The following TAFA2 variants were observed in gnomAD, a reference collection of about 807,000 sequenced individuals.
TAFA2 encodes chemokine-like protein TAFA-2.
A neutral mutation model predicts 18.8 loss-of-function variants in TAFA2; 7 were observed. The observed-to-expected ratio is 0.37, with a 90% CI of 0.21 to 0.70. The LOEUF (loss-of-function observed/expected upper bound fraction) is 0.70, where lower values mean the gene tolerates loss of function less well. Among genes scored for constraint, TAFA2 ranks in the 30% least tolerant of loss-of-function variants. The pLI, the probability that TAFA2 is intolerant of heterozygous loss-of-function variation, is 0.53. For missense variants in TAFA2, 122 were observed against 158.1 expected (o/e 0.77, Z 1.23); for synonymous variants, 60 against 54.2 (o/e 1.11, Z -0.47).
intron 1 of TAFA2, among the ~76,000 whole-genome samples, chr12:61,873,844 A>G (rs758740659): frequency 1.3e-5 from 2 of 152,148 alleles, no homozygotes; most frequent in African/African-American, 2.4e-5. Context: ...TTTGAGGTGG[A>G]TGGTGCCATC....
At chr12:61,833,130 T>C (rs944577667) in intron 2 of TAFA2, among the ~76,000 whole-genome samples, 4 of 149,838 alleles carry the variant, frequency 2.7e-5, no homozygotes, top group African/African-American at 4.9e-5. Flanking sequence ...TTTTAGGCCA[T>C]AAGAAATACA....
rs574924088 is a variant in TAFA2, at chr12:61,812,398, T to A, written c.106+54922A>T. On this transcript the variant is annotated intron_variant, in intron 2 of 4. Coordinates refer to ENST00000416284, the MANE Select transcript of TAFA2 (RefSeq NM_178539.5). ...GCTCCCAACATCTGCCTTGTAAAAG[T>A]ACTGCCAGAATAAACTGCTTCAGGG... 3.3e-5 allele frequency among the ~76,000 whole-genome samples: 5 copies of A among 151,476 alleles called. No homozygotes were observed. The South Asian group carries it at 1.0e-3, about 31-fold the overall frequency.
At chr12:62,177,944 T>C (rs1204717575) in intron 1 of TAFA2, among the ~76,000 whole-genome samples, 1 of 152,292 alleles carries the variant, frequency 6.6e-6, no homozygotes, top group Admixed American at 6.5e-5. Flanking sequence ...CTCCCCTCCA[T>C]GGAGTCTATC....
In TAFA2 at chr12:62,129,552, T is replaced by G. The variant is rs112627685; in HGVS notation, c.-2+61707A>C. Among the ~76,000 whole-genome samples, 361 of 152,166 alleles carry G rather than the reference T, an allele frequency of 2.4e-3. 2 individuals carry two copies. The highest frequency in any genetic ancestry group is 7.8e-3 in the African/African-American group (326 of 41,546). On this transcript the variant is annotated intron_variant, in intron 1 of 4. Transcript: ENST00000416284. ...AACGTTGACAAAGACACTGAAGCACTGTAAGATGCTAAATTGTTATCTAAA... is the reference window on the plus strand; with the variant it reads ...AACGTTGACAAAGACACTGAAGCACGGTAAGATGCTAAATTGTTATCTAAA...
intron 1 of TAFA2, among the ~76,000 whole-genome samples, chr12:62,162,377 G>C (rs892189928): frequency 7.2e-5 from 11 of 152,164 alleles, no homozygotes; most frequent in Non-Finnish European, 4.4e-5. Context: ...CTGCTGTCAA[G>C]TCCTCTTACT....
chr12:62,123,579 C>G (rs1870308835), intron 1 of TAFA2, among the ~76,000 whole-genome samples: 1 of 152,036 alleles, frequency 6.6e-6, no homozygotes, highest in African/African-American at 2.4e-5. Context: ...CTCATCATTT[C>G]TGTCATTTTT....
intron 2 of TAFA2, among the ~76,000 whole-genome samples, chr12:61,806,052 G>T (rs1298575191): frequency 6.6e-6 from 1 of 152,078 alleles, no homozygotes; most frequent in Non-Finnish European, 1.5e-5. Flanking sequence ...AGAGGGTAAA[G>T]AACATAACTA....
At position 61,710,364 on chromosome 12, in the gene TAFA2, T is replaced by G; in HGVS notation, c.*42A>C. ...GTTGAGTTAAGTTTCTATGCGCATGTTCAATGTCATCAGCCTTGAGGATCA... is the reference window on the plus strand; with the variant it reads ...GTTGAGTTAAGTTTCTATGCGCATGGTCAATGTCATCAGCCTTGAGGATCA... On this transcript the variant is annotated 3_prime_UTR_variant, in exon 5 of 5. Coordinates refer to ENST00000416284, the MANE Select transcript of TAFA2 (RefSeq NM_178539.5). 6.3e-7 allele frequency: 1 copy of G among 1,598,384 alleles called. No homozygotes were observed. The highest frequency in any genetic ancestry group is 2.2e-5 in the East Asian group (1 of 44,764).
chr12:62,017,017 A>G (rs577636448), intron 1 of TAFA2, among the ~76,000 whole-genome samples: 4 of 152,336 alleles, frequency 2.6e-5, no homozygotes, highest in South Asian at 2.1e-4. Context: ...ATGATAATAC[A>G]TAGCTAAATT....
At chr12:62,234,241 G>A (rs988981246) in intron 1 of TAFA2, 17 of 339,604 alleles carry the variant, frequency 5.0e-5, no homozygotes, top group African/African-American at 1.9e-4. Context: ...CATGCTCCTC[G>A]CCATGGGTCC....
intron 4 of TAFA2, among the ~76,000 whole-genome samples, chr12:61,718,815 A>T (rs1397234333): frequency 6.6e-6 from 1 of 152,180 alleles, no homozygotes; most frequent in East Asian, 1.9e-4. Flanking sequence ...AGAAAGCTTT[A>T]CTTTATAAGT....
chr12:61,899,086 C>A (rs1875983382), intron 1 of TAFA2, among the ~76,000 whole-genome samples: 2 of 152,204 alleles, frequency 1.3e-5, no homozygotes, highest in Non-Finnish European at 2.9e-5. Context: ...TCATCTCCAT[C>A]TGAGACCACC....
chr12:61,809,611 G>A (rs1026087172), intron 2 of TAFA2, among the ~76,000 whole-genome samples: 1 of 151,060 alleles, frequency 6.6e-6, no homozygotes, highest in Admixed American at 6.6e-5. Context: ...TCATGATTTA[G>A]AGCATTTTTA....
intron 4 of TAFA2, among the ~76,000 whole-genome samples, chr12:61,710,803 A>G (rs1869365909): frequency 6.6e-6 from 1 of 151,998 alleles, no homozygotes; most frequent in African/African-American, 2.4e-5. Flanking sequence ...GTGAAGAAAG[A>G]CCTTTGTCCC....
intron 1 of TAFA2, among the ~76,000 whole-genome samples, chr12:62,175,141 T>C (rs760568769): frequency 6.6e-6 from 1 of 152,220 alleles, no homozygotes; most frequent in African/African-American, 2.4e-5. Context: ...TCAATGCTTA[T>C]GTAACTTCTA....
At chr12:62,107,278 G>A (rs1257607024) in intron 1 of TAFA2, among the ~76,000 whole-genome samples, 1 of 137,250 alleles carries the variant, frequency 7.3e-6, no homozygotes, top group Admixed American at 8.1e-5. Flanking sequence ...AGTTGATAAA[G>A]CTACTGGAAG....
chr12:61,804,219 T>C lies in TAFA2; in HGVS notation c.107-49195A>G, dbSNP rs369036871. On this transcript the variant is annotated intron_variant, in intron 2 of 4. Coordinates refer to ENST00000416284, the MANE Select transcript of TAFA2 (RefSeq NM_178539.5). ...AAGAACTTCAAGGCTCATATTTCTC[T>C]TTTATAAGTCTTCAAAATTTAACAA... Among the ~76,000 whole-genome samples, 7 of 152,042 alleles carry C rather than the reference T, an allele frequency of 4.6e-5. No individual in the cohort carries two copies. In the East Asian group the frequency reaches 1.2e-3, roughly 25 times the overall value.
At chr12:61,966,665 A>G (rs1397128421) in intron 1 of TAFA2, among the ~76,000 whole-genome samples, 1 of 151,938 alleles carries the variant, frequency 6.6e-6, no homozygotes, top group Non-Finnish European at 1.5e-5. Flanking sequence ...GTAATATTCA[A>G]TAAATACTTA....
chr12:62,225,233 T>C (rs2062781137), intron 1 of TAFA2, among the ~76,000 whole-genome samples: 2 of 152,130 alleles, frequency 1.3e-5, no homozygotes, highest in Admixed American at 1.3e-4. Flanking sequence ...ATTGATCAAA[T>C]ATAATGAGAA....
Sources: gnomAD v4.1 joint callset for allele counts (sites outside exome capture counted in the v4.1 genomes callset) on GRCh38, gnomAD v4.1.1 for gene constraint, MANE v1.5 for transcripts, NCBI Gene and HGNC (gene_info 2026-07-23, HGNC 2026-07-21) for gene names.